Variants in OCA2 observed in about 807,000 individuals in gnomAD.
OCA2 encodes the protein OCA2 melanosomal transmembrane protein, also known as P protein.
In OCA2, 77 loss-of-function variants were observed where a neutral mutation model predicts 100.2. The observed-to-expected ratio is 0.77, with a 90% CI of 0.64 to 0.93. The LOEUF (loss-of-function observed/expected upper bound fraction) is 0.93, where lower values mean the gene tolerates loss of function less well. OCA2 is among the 40% of genes least tolerant of loss of function. OCA2 has a pLI of 0.00. For missense variants in OCA2, 1,062 were observed against 1,089.1 expected, an observed-to-expected ratio of 0.98 and a Z score of 0.35; for synonymous variants, 432 against 439.2, an observed-to-expected ratio of 0.98 and a Z score of 0.21.
At chr15:28,026,387 T>A in intron 4 of OCA2, among the ~76,000 whole-genome samples, 1 of 152,236 alleles carries the variant, frequency 6.6e-6, no homozygotes, top group East Asian at 1.9e-4. Context: ...GTTTGCCATC[T>A]TGTTGACCCA....
chr15:27,755,945 G>T (rs528233874), intron 23 of OCA2, among the ~76,000 whole-genome samples: 1 of 152,222 alleles, frequency 6.6e-6, no homozygotes, highest in Non-Finnish European at 1.5e-5. Context: ...AAGGCCAACT[G>T]TTGTCTAAGG....
At chr15:27,765,768 C>T (rs910082031) in intron 23 of OCA2, among the ~76,000 whole-genome samples, 2 of 152,214 alleles carry the variant, frequency 1.3e-5, no homozygotes, top group South Asian at 2.1e-4. Flanking sequence ...GCCCGACCCT[C>T]GGTTTGGTCC....
intron 9 of OCA2, among the ~76,000 whole-genome samples, chr15:28,009,729 A>C (rs891515046): frequency 9.1e-5 from 10 of 110,064 alleles, no homozygotes; most frequent in South Asian, 2.8e-4. Flanking sequence ...CACACACACA[A>C]AGTCAACAAA....
At chr15:27,926,744 C>T (rs1349733142) in intron 18 of OCA2, among the ~76,000 whole-genome samples, 1 of 152,042 alleles carries the variant, frequency 6.6e-6, no homozygotes, top group Non-Finnish European at 1.5e-5. Context: ...TCCCAAGTAG[C>T]TGGGATTACA....
At chr15:27,984,578 TGAGACGGAG>T (rs2041281708) in intron 13 of OCA2, among the ~76,000 whole-genome samples, 1 of 152,168 alleles carries the variant, frequency 6.6e-6, no homozygotes, top group Non-Finnish European at 1.5e-5. Context: ...GTTTGTTTTT[TGAGACGGAG>T]TCTCGCTCTG....
rs2043265927 is a variant in OCA2, at chr15:28,043,575, A to G, written c.228-11412T>C. 6.6e-6 allele frequency among the ~76,000 whole-genome samples: 1 copy of G among 152,180 alleles called. No individual in the cohort carries two copies. Among genetic ancestry groups the G allele is most frequent in the African/African-American group, 2.4e-5 (1 of 41,436 alleles). On this transcript the variant is annotated intron_variant, in intron 2 of 23. Coordinates refer to ENST00000354638, the MANE Select transcript of OCA2 (RefSeq NM_000275.3). The surrounding 1 kb of genome is among the most constrained non-coding windows in gnomAD (Gnocchi z 4.4). ...TTCAAAGCAAACGGATGGAACATGA[A>G]AGACTCCTGTTTAGAGAACCACTGC...
At chr15:27,810,608 A>ATTT (rs35511135) in intron 23 of OCA2, among the ~76,000 whole-genome samples, 75,691 of 151,748 alleles carry the variant, frequency 0.5, 19,536 homozygotes, top group South Asian at 0.76. Flanking sequence ...GGGAGAAAAT[A>ATTT]TTTGCAAACT....
intron 21 of OCA2, among the ~76,000 whole-genome samples, chr15:27,867,072 A>G (rs1475211099): frequency 1.3e-5 from 2 of 152,228 alleles, no homozygotes; most frequent in Admixed American, 1.3e-4. Flanking sequence ...TGCAGTTGAG[A>G]AATTCTCAGA....
rs76159095 is a variant in OCA2 at position 27,827,407 on chromosome 15, T to C, written c.2432+17552A>G. On this transcript the variant is annotated intron_variant, in intron 23 of 23. Transcript: ENST00000354638. ...TGCTCAGGTAATTCCGGGTTTAATA[T>C]AGGAAAAGCAAATTTAGGACAACAC... Among the ~76,000 whole-genome samples the C allele has an allele frequency of 2.8e-3, 433 of 152,224 alleles. 2 individuals carry two copies. The highest frequency in any genetic ancestry group is 0.027 in the East Asian group (139 of 5,170).
At chr15:27,905,978 G>A (rs2038161873) in intron 19 of OCA2, among the ~76,000 whole-genome samples, 2 of 151,894 alleles carry the variant, frequency 1.3e-5, no homozygotes, top group African/African-American at 4.8e-5. Context: ...AACAGAAATG[G>A]GCAAATAACA....
intron 1 of OCA2, among the ~76,000 whole-genome samples, chr15:28,086,385 A>G (rs1003465613): frequency 6.6e-6 from 1 of 152,176 alleles, no homozygotes; most frequent in African/African-American, 2.4e-5. Flanking sequence ...AGGTCCCACA[A>G]CCACCCAGCA....
At chr15:28,061,206 G>A (rs1229709929) in intron 2 of OCA2, among the ~76,000 whole-genome samples, 1 of 152,212 alleles carries the variant, frequency 6.6e-6, no homozygotes, top group South Asian at 2.1e-4. Context: ...TGAAGAAGAA[G>A]GCAGAATGTC....
At chr15:27,868,814 A>C (rs2036429653) in intron 21 of OCA2, among the ~76,000 whole-genome samples, 1 of 152,224 alleles carries the variant, frequency 6.6e-6, no homozygotes, top group African/African-American at 2.4e-5. Flanking sequence ...AGGTATACAC[A>C]TATATGTCCA....
chr15:28,038,356 C>T (rs997576458), intron 2 of OCA2, among the ~76,000 whole-genome samples: 3 of 152,194 alleles, frequency 2.0e-5, no homozygotes, highest in African/African-American at 7.2e-5. Context: ...TATGATTCCT[C>T]ACCCGTGTAC....
chr15:27,851,480 G>A lies in OCA2; in HGVS notation c.2245-5C>T. ...CAGGTTCAGGAGCACGGGAATCTGT[G>A]GAGGAAGAGGACATTGATGCCACGT... On this transcript the variant is annotated splice_polypyrimidine_tract_variant and splice_region_variant and intron_variant, in intron 21 of 23. Coordinates refer to ENST00000354638, the MANE Select transcript of OCA2 (RefSeq NM_000275.3). 1 of 1,611,430 alleles carries A rather than the reference G, an allele frequency of 6.2e-7. No individual in the cohort carries two copies. The highest frequency in any genetic ancestry group is 1.3e-5 in the African/African-American group (1 of 75,010).
intron 19 of OCA2, among the ~76,000 whole-genome samples, chr15:27,872,783 G>A (rs574335593): frequency 1.3e-5 from 2 of 151,240 alleles, no homozygotes; most frequent in East Asian, 2.0e-4. Flanking sequence ...TCCACCTCCC[G>A]GGTTCAAGTG....
the OCA2 span, among the ~76,000 whole-genome samples, chr15:27,720,014 T>G: frequency 6.6e-6 from 1 of 152,210 alleles, no homozygotes; most frequent in Non-Finnish European, 1.5e-5. Context: ...GCATTTCATC[T>G]TAACAAAATT....
chr15:27,724,064 G>A, the OCA2 span, among the ~76,000 whole-genome samples: 1 of 152,128 alleles, frequency 6.6e-6, no homozygotes, highest in Non-Finnish European at 1.5e-5. Context: ...TGATCTCTGG[G>A]GATATTGCAG....
At chr15:27,846,816 A>G (rs1224550027) in intron 22 of OCA2, among the ~76,000 whole-genome samples, 4 of 152,150 alleles carry the variant, frequency 2.6e-5, no homozygotes, top group Middle Eastern at 3.4e-3. Context: ...GGGGCTGCAT[A>G]CCGCCTGGGG....
Sources: allele counts gnomAD v4.1 joint callset (sites outside exome capture counted in the v4.1 genomes callset), GRCh38; gene constraint gnomAD v4.1.1; non-coding constraint Gnocchi (gnomAD v3.1); transcripts MANE v1.5; gene names NCBI Gene and HGNC (gene_info 2026-07-23, HGNC 2026-07-21).